KNG1: variants seen among roughly 807,000 people sequenced by gnomAD.
KNG1 encodes the protein kininogen-1.
KNG1 carries 23 observed loss-of-function variants against 47.8 expected under a neutral mutation model. The ratio of observed to expected loss-of-function variants is 0.48; its 90% CI spans 0.35 to 0.68. The LOEUF (loss-of-function observed/expected upper bound fraction) is 0.68. KNG1 is among the 30% of genes least tolerant of loss of function. The probability of loss-of-function intolerance (pLI) is 0.01; values close to 1 mark genes in which losing one functional copy is unlikely to be tolerated. For missense variants in KNG1, 762 were observed against 790.2 expected, an observed-to-expected ratio of 0.96 and a Z score of 0.43; for synonymous variants, 277 against 277.0, an observed-to-expected ratio of 1.00 and a Z score of 0.00.
At chr3:186,719,975 T>G in intron 1 of KNG1, 130 bp from the exon 2 acceptor site, 1 of 710,122 alleles carries the variant, frequency 1.4e-6, no homozygotes, top group Non-Finnish European at 2.6e-6. Flanking sequence ...GATAGAAATA[T>G]AAATATATTT....
rs1373508778 is a variant in KNG1, at chr3:186,742,327, C to T, written c.1931C>T (p.Ser644Phe). The T allele has an allele frequency of 6.2e-7, 1 of 1,613,862 alleles. No individual in the cohort carries two copies. The highest frequency in any genetic ancestry group is 2.2e-5 in the East Asian group (1 of 44,882). The change falls in exon 10 of 10, where the codon TCT becomes TTT. Residue 644 changes from serine (S) to phenylalanine (F), a missense_variant. Physicochemically the swap from Ser to Phe is radical, Grantham distance 155 (BLOSUM62 -2). Coordinates refer to ENST00000644859, the MANE Select transcript of KNG1 (RefSeq NM_001102416.3). ...TATTTCGATCTCACTGATGGCCTTT[C>T]TTAATTTAAGTGGCTATGGGTATTT... ...SYYFDLTDGL[S>F] is the part of the protein sequence containing the mutation.
chr3:186,741,512 TTC>T lies in KNG1; in HGVS notation c.1126-8_1126-7del. The T allele has an allele frequency of 8.1e-6, 13 of 1,605,658 alleles. No individual in the cohort carries two copies. The highest frequency in any genetic ancestry group is 1.1e-5 in the Non-Finnish European group (13 of 1,177,468). On this transcript the variant is annotated splice_polypyrimidine_tract_variant and splice_region_variant and intron_variant, in intron 9 of 9. Transcript: ENST00000644859. The stretch of plus-strand genomic sequence containing the variant: ...GCAGTAATACATTCATCTTAATATT[TTC>T]TGTTTAGATCTCACTGATGAAAAGG...
Position 186,725,694 on chromosome 3 carries a change from G to A in KNG1, c.564+434G>A, listed in dbSNP as rs564358460. On this transcript the variant is annotated intron_variant, in intron 4 of 9. Transcript: ENST00000644859. The stretch of plus-strand genomic sequence containing the variant: ...TGAGTAGCTGGGACTACAGGCGCCC[G>A]CCACCACACTGGCTAATTTTTTTTA... Among the ~76,000 whole-genome samples the A allele has an allele frequency of 3.1e-4, 45 of 145,610 alleles. No homozygotes were observed. The East Asian group carries it at 4.1e-3, about 13-fold the overall frequency.
intron 5 of KNG1, 90 bp downstream of exon 5, chr3:186,727,434 A>G: frequency 1.2e-6 from 1 of 848,176 alleles, no homozygotes; most frequent in Non-Finnish European, 2.0e-6. Flanking sequence ...ACTGTCACGA[A>G]AAGTTTAGAT....
At chr3:186,731,435 T>C in intron 5 of KNG1, 110 bp from the exon 6 acceptor site, 1 of 703,952 alleles carries the variant, frequency 1.4e-6, no homozygotes, top group Non-Finnish European at 2.6e-6. Context: ...TTTTTTTCTA[T>C]GCAATGATTT....
chr3:186,732,441 G>C, intron 6 of KNG1, 61 bp from the exon 7 acceptor site: 1 of 1,499,704 alleles, frequency 6.7e-7, no homozygotes, highest in Non-Finnish European at 9.3e-7. Flanking sequence ...TTGTGCAGGA[G>C]GGATGCTAGG....
intron 9 of KNG1, 44 bp downstream of exon 9, chr3:186,739,458 T>G (rs1178620693): frequency 1.5e-6 from 2 of 1,300,388 alleles, no homozygotes; most frequent in South Asian, 1.2e-5. Flanking sequence ...TTCTGCTCAT[T>G]CTGAAAATCC....
chr3:186,741,406 G>C (rs1579131669), intron 9 of KNG1, 116 bp from the exon 10 acceptor site: 1 of 881,206 alleles, frequency 1.1e-6, no homozygotes, highest in East Asian at 2.6e-5. Context: ...TTTAAAATCT[G>C]GCAAACACCT....
chr3:186,741,463 T>C, intron 9 of KNG1, 59 bp from the exon 10 acceptor site: 1 of 1,509,688 alleles, frequency 6.6e-7, no homozygotes. Context: ...AGTGTTTTTT[T>C]CTATCATCAA....
At chr3:186,720,525 G>T in intron 2 of KNG1, 2 of 352,468 alleles carry the variant, frequency 5.7e-6, no homozygotes, top group Non-Finnish European at 5.4e-6. Context: ...AAGAGCTGGC[G>T]AGGGGAGGGG....
At chr3:186,723,853 C>T (rs1393287471) in intron 3 of KNG1, among the ~76,000 whole-genome samples, 5 of 152,062 alleles carry the variant, frequency 3.3e-5, no homozygotes, top group African/African-American at 9.7e-5. Context: ...GGGGTTTCAC[C>T]ATGTTGGCCA....
intron 4 of KNG1, among the ~76,000 whole-genome samples, chr3:186,726,712 C>G (rs1720383213): frequency 6.6e-6 from 1 of 152,140 alleles, no homozygotes; most frequent in African/African-American, 2.4e-5. Context: ...TTCATGCGAG[C>G]ATGCTTTACT....
rs1720879971 is a variant in KNG1 at position 186,744,021 on chromosome 3, C to T, written c.*1690C>T. On this transcript the variant is annotated 3_prime_UTR_variant, in exon 10 of 10. Coordinates refer to ENST00000644859, the MANE Select transcript of KNG1 (RefSeq NM_001102416.3). ...ATTCCAGCTGGTCAGAGAGTCAGTG[C>T]TGTGGCTCTGCCATGGAGGCTCATA... The T allele has an allele frequency of 5.3e-6, 3 of 562,092 alleles. No homozygotes were observed. In the Admixed American group the frequency reaches 8.1e-5, roughly 15 times the overall value. 34.8% of individuals were successfully genotyped at this position (562,092 alleles called of 1,614,324 possible). A position where few individuals can be genotyped will look rare whatever the true frequency, so the allele number is the denominator to read the frequency against.
intron 5 of KNG1, among the ~76,000 whole-genome samples, chr3:186,730,931 A>T (rs1720515380): frequency 6.6e-6 from 1 of 151,414 alleles, no homozygotes; most frequent in Admixed American, 6.6e-5. Flanking sequence ...TAGATTTGTA[A>T]TTGCATACTA....
chr3:186,725,003 G>A (rs1036612770), intron 3 of KNG1, 85 bp from the exon 4 acceptor site: 43 of 1,464,214 alleles, frequency 2.9e-5, no homozygotes, highest in Non-Finnish European at 3.9e-5. Flanking sequence ...GAGCCACCAC[G>A]CCCAGCCTCT....
rs551560314 is a variant in KNG1 at position 186,730,340 on chromosome 3, G to A, written c.673-1205G>A. Among the ~76,000 whole-genome samples the A allele has an allele frequency of 1.5e-3, 222 of 151,826 alleles. 1 individual carries two copies. The highest frequency in any genetic ancestry group is 2.1e-3 in the Non-Finnish European group (143 of 67,946). On this transcript the variant is annotated intron_variant, in intron 5 of 9. Coordinates refer to ENST00000644859, the MANE Select transcript of KNG1 (RefSeq NM_001102416.3). ...TTTGTAAAATGTATTGGATCTTTTTGTGACCTGGTGTAAAAACAATTAAAA... is the reference window on the plus strand; with the variant it reads ...TTTGTAAAATGTATTGGATCTTTTTATGACCTGGTGTAAAAACAATTAAAA...
rs138930870 is a variant in KNG1 at position 186,740,019 on chromosome 3, G to C, written c.1125+605G>C. ...GCCGAGATCCTGCCACTGCACTCCA[G>C]CCTGGGCAACAAAGAGCGAAACTTT... is the stretch of plus-strand genomic sequence containing the variant. On this transcript the variant is annotated intron_variant, in intron 9 of 9. Transcript: ENST00000644859. 2.4e-3 allele frequency among the ~76,000 whole-genome samples: 368 copies of C among 151,628 alleles called. 6 individuals are homozygous for C. Among genetic ancestry groups the C allele is most frequent in the African/African-American group, 8.7e-3 (360 of 41,310 alleles).
chr3:186,726,378 C>G (rs1208797915), intron 4 of KNG1, among the ~76,000 whole-genome samples: 2 of 151,142 alleles, frequency 1.3e-5, no homozygotes, highest in Non-Finnish European at 2.9e-5. Flanking sequence ...GCAACTTCCA[C>G]CTCCCAAGTT....
At chr3:186,729,030 T>C (rs1720444473) in intron 5 of KNG1, 1 of 152,058 alleles carries the variant, frequency 6.6e-6, no homozygotes, top group African/African-American at 2.4e-5. Context: ...ATTTATTTTA[T>C]AATTGGAGAA....
Sources: gnomAD v4.1 joint callset for allele counts (sites outside exome capture counted in the v4.1 genomes callset) on GRCh38, gnomAD v4.1.1 for gene constraint, MANE v1.5 for transcripts, NCBI Gene and HGNC (gene_info 2026-07-23, HGNC 2026-07-21) for gene names.